NCOR2: variants seen among roughly 807,000 people sequenced by gnomAD.
The protein encoded by NCOR2 is nuclear receptor corepressor 2, also known as CTG repeat protein 26.
NCOR2 carries 81 observed loss-of-function variants against 262.9 expected under a neutral mutation model. The observed-to-expected ratio is 0.31, with a 90% CI of 0.26 to 0.37. The LOEUF (loss-of-function observed/expected upper bound fraction) is 0.37, where lower values mean the gene tolerates loss of function less well. NCOR2 is among the 10% of genes least tolerant of loss of function. The probability of loss-of-function intolerance (pLI) is 1.00; values close to 1 mark genes in which losing one functional copy is unlikely to be tolerated. For missense variants in NCOR2, 3,385 were observed against 3,621.4 expected (o/e 0.93, Z 1.68); for synonymous variants, 1,659 against 1,559.3 (o/e 1.06, Z -1.51).
chr12:124,474,667 C>A (rs1185692480), intron 3 of NCOR2, among the ~76,000 whole-genome samples: 1 of 152,170 alleles, frequency 6.6e-6, no homozygotes, highest in East Asian at 1.9e-4. Flanking sequence ...CCTCATCTGC[C>A]CAATGGGGAG....
At chr12:124,494,434 G>A (rs2048268072) in intron 1 of NCOR2, among the ~76,000 whole-genome samples, 1 of 152,232 alleles carries the variant, frequency 6.6e-6, no homozygotes, top group African/African-American at 2.4e-5. Context: ...AAGGCCCGTT[G>A]TCCTGGCCAC....
At chr12:124,472,930 C>G in intron 4 of NCOR2, 22 bp downstream of exon 6, 4 of 1,612,966 alleles carry the variant, frequency 2.5e-6, no homozygotes, top group Non-Finnish European at 3.4e-6. Flanking sequence ...CAAACACTCC[C>G]CCTCCCCCTG....
At chr12:124,477,115 A>G (rs2047142486) in intron 3 of NCOR2, among the ~76,000 whole-genome samples, 1 of 152,098 alleles carries the variant, frequency 6.6e-6, no homozygotes. Flanking sequence ...GGGGGGTGAC[A>G]TGGTTTGGCC....
chr12:124,361,294 G>T (rs117240909), intron 22 of NCOR2, among the ~76,000 whole-genome samples: 1 of 152,170 alleles, frequency 6.6e-6, no homozygotes, highest in Admixed American at 6.5e-5. Context: ...AGCAAGCGCC[G>T]GGGCTAGCCC....
intron 1 of NCOR2, among the ~76,000 whole-genome samples, chr12:124,561,266 C>G (rs1242763032): frequency 6.6e-6 from 1 of 152,186 alleles, no homozygotes; most frequent in African/African-American, 2.4e-5. Flanking sequence ...TATGGCTGCA[C>G]TGCCCCGTAG....
At chr12:124,369,165 T>C (rs1404718918) in intron 20 of NCOR2, among the ~76,000 whole-genome samples, 3 of 152,126 alleles carry the variant, frequency 2.0e-5, no homozygotes, top group Non-Finnish European at 4.4e-5. Context: ...GGCCAGGCCC[T>C]GCCAAAAAAG....
intron 27 of NCOR2, among the ~76,000 whole-genome samples, chr12:124,352,391 T>G (rs1370125505): frequency 1.3e-5 from 2 of 151,556 alleles, no homozygotes; most frequent in African/African-American, 4.9e-5. Flanking sequence ...TTTTTTTTTT[T>G]GAGAAGGGGT....
At chr12:124,344,946 G>A (rs1356138374) in exon 32 of NCOR2, 1 of 1,541,474 alleles carries the variant, frequency 6.5e-7, no homozygotes, top group Admixed American at 1.9e-5. Flanking sequence ...ACTTGAGCGG[G>A]GTGCCCTGGG....
At chr12:124,325,322 G>T in exon 47 of NCOR2, 1 of 1,010,330 alleles carries the variant, frequency 9.9e-7, no homozygotes, top group Non-Finnish European at 1.3e-6. Context: ...TGGGGGAGTC[G>T]GCAGCCGCCC....
chr12:124,487,779 A>G (rs1431085400), intron 1 of NCOR2, among the ~76,000 whole-genome samples: 7 of 151,880 alleles, frequency 4.6e-5, no homozygotes, highest in Non-Finnish European at 1.0e-4. Flanking sequence ...TTAACACATT[A>G]TCCATTATCA....
In NCOR2 at chr12:124,340,291, T is replaced by C; in HGVS notation, c.5488+3A>G. 6.2e-7 allele frequency: 1 copy of C among 1,610,718 alleles called. No individual in the cohort carries two copies. The highest frequency in any genetic ancestry group is 8.5e-7 in the Non-Finnish European group (1 of 1,179,610). On this transcript the variant is annotated splice_donor_region_variant and intron_variant, in intron 36 of 46. Coordinates refer to ENST00000405201, the Ensembl canonical transcript of NCOR2. ...GCGGGGGGTGGGGGCTCTGATGCCC[T>C]ACCAGGTCTCCAGATGGGTGCGTGC... is the stretch of plus-strand genomic sequence containing the variant.
intron 37 of NCOR2, among the ~76,000 whole-genome samples, chr12:124,339,767 C>CA (rs2036273595): frequency 7.7e-6 from 1 of 130,472 alleles, no homozygotes; most frequent in African/African-American, 2.7e-5. Flanking sequence ...CCGACCACCC[C>CA]CCCATCCATC....
chr12:124,479,404 C>G (rs887980188), intron 3 of NCOR2, among the ~76,000 whole-genome samples: 3 of 151,826 alleles, frequency 2.0e-5, no homozygotes, highest in African/African-American at 4.8e-5. Flanking sequence ...GACACACGCA[C>G]GCACACACAG....
chr12:124,435,900 G>A (rs1157765478), intron 8 of NCOR2, among the ~76,000 whole-genome samples: 1 of 152,210 alleles, frequency 6.6e-6, no homozygotes, highest in Non-Finnish European at 1.5e-5. Flanking sequence ...TCTGTGCCTC[G>A]ATTTCCTCCT....
intron 13 of NCOR2, among the ~76,000 whole-genome samples, chr12:124,416,586 GT>G (rs1474349378): frequency 8.3e-5 from 12 of 143,856 alleles, no homozygotes; most frequent in Admixed American, 1.4e-4. Flanking sequence ...GGCACAGGGA[GT>G]CCCCGCGGCA....
intron 6 of NCOR2, 138 bp downstream of exon 8, chr12:124,456,968 T>A: frequency 3.8e-6 from 2 of 531,814 alleles, no homozygotes; most frequent in Non-Finnish European, 5.2e-6. Context: ...GTGGGTTTCC[T>A]GCTTCCTCCG....
At chr12:124,449,901 T>A in intron 6 of NCOR2, 34 bp from the exon 9 acceptor site, 1 of 1,609,024 alleles carries the variant, frequency 6.2e-7, no homozygotes, top group Non-Finnish European at 8.5e-7. Flanking sequence ...CATCAGAGCC[T>A]GGCTGGCCAC....
chr12:124,336,491 T>C (rs2035916962), intron 38 of NCOR2: 2 of 779,674 alleles, frequency 2.6e-6, no homozygotes, highest in Admixed American at 8.4e-5. Context: ...GGAGTAGTCG[T>C]CAGCGCGTGC....
Position 124,483,480 on chromosome 12 carries a change from A to C in NCOR2, c.411+116T>G, listed in dbSNP as rs1382118533. The C allele has an allele frequency of 5.9e-6, 7 of 1,192,790 alleles. No individual in the cohort carries two copies. In the East Asian group the frequency reaches 1.9e-4, roughly 33 times the overall value. The allele number at this position is 1,192,790 out of a possible 1,614,324, so 73.9% of individuals were successfully genotyped here. ...TGCACCCGGTGCTTGGCCCACCTCC[A>C]AGCCTTTGCCCGAGCTGCCCCCTCC... On this transcript the variant is annotated intron_variant, in intron 3 of 46. Coordinates refer to ENST00000405201, the Ensembl canonical transcript of NCOR2. The surrounding 1 kb of genome is among the most constrained non-coding windows in gnomAD (Gnocchi z 6.3).
Sources: gnomAD v4.1 joint callset for allele counts (sites outside exome capture counted in the v4.1 genomes callset) on GRCh38, gnomAD v4.1.1 for gene constraint, Gnocchi (gnomAD v3.1) non-coding constraint, MANE v1.5 for transcripts, NCBI Gene and HGNC (gene_info 2026-07-23, HGNC 2026-07-21) for gene names.